The following MAGI1 variants were observed in gnomAD, a reference collection of about 807,000 sequenced individuals.
MAGI1 encodes membrane associated guanylate kinase, WW and PDZ domain containing 1.
In MAGI1, 58 loss-of-function variants were observed where a neutral mutation model predicts 139.9. The observed-to-expected ratio is 0.41, with a 90% CI of 0.34 to 0.52. MAGI1 has a LOEUF of 0.52. Ranked by LOEUF, MAGI1 falls within the 20% of genes least tolerant of loss-of-function variation. The pLI, the probability that MAGI1 is intolerant of heterozygous loss-of-function variation, is 0.12. For missense variants in MAGI1, 1,874 were observed against 1,901.6 expected (o/e 0.99, Z 0.27); for synonymous variants, 812 against 737.9 (o/e 1.10, Z -1.63).
intron 1 of MAGI1, among the ~76,000 whole-genome samples, chr3:65,790,807 A>T (rs998797511): frequency 6.6e-6 from 1 of 152,148 alleles, no homozygotes; most frequent in African/African-American, 2.4e-5. Context: ...TGGCACGGTG[A>T]CTCATGCCTG....
intron 1 of MAGI1, among the ~76,000 whole-genome samples, chr3:65,662,656 A>C (rs1220962313): frequency 1.3e-5 from 2 of 152,228 alleles, no homozygotes; most frequent in African/African-American, 4.8e-5. Context: ...ACTGATTATT[A>C]TAGTCAAACA....
chr3:65,462,602 T>C (rs184806012), intron 5 of MAGI1, among the ~76,000 whole-genome samples: 7 of 152,302 alleles, frequency 4.6e-5, no homozygotes, highest in African/African-American at 1.7e-4. Flanking sequence ...GGCTACATGC[T>C]CTTTTTCTGG....
Position 65,514,262 on chromosome 3 carries a change from TCC to T in MAGI1, c.431-20633_431-20632del, listed in dbSNP as rs1446844071. Among the ~76,000 whole-genome samples, 7 of 145,992 alleles carry T rather than the reference TCC, an allele frequency of 4.8e-5. No individual in the cohort carries two copies. In the South Asian group the frequency reaches 1.1e-3, roughly 24 times the overall value. ...CATAGGCATGGGCAAGGACTTCATG[TCC>T]AAAACACCAAAAGCAATGGCAACAA... On this transcript the variant is annotated intron_variant, in intron 2 of 22. Coordinates refer to ENST00000402939, the MANE Select transcript of MAGI1 (RefSeq NM_001033057.2).
At chr3:65,688,914 C>T (rs968228894) in intron 1 of MAGI1, among the ~76,000 whole-genome samples, 1 of 152,148 alleles carries the variant, frequency 6.6e-6, no homozygotes, top group African/African-American at 2.4e-5. Flanking sequence ...AAACTATTGA[C>T]GCTGGCAGCT....
intron 2 of MAGI1, among the ~76,000 whole-genome samples, chr3:65,544,723 C>G (rs1024011433): frequency 2.6e-5 from 4 of 152,124 alleles, no homozygotes; most frequent in African/African-American, 9.7e-5. Context: ...TGATCCATCA[C>G]CAAGCCACGA....
At position 65,524,216 on chromosome 3, in the gene MAGI1, G is replaced by A. The variant is rs184390706; in HGVS notation, c.431-30585C>T. On this transcript the variant is annotated intron_variant, in intron 2 of 22. Transcript: ENST00000402939. ...TCAAATCACAAAGTTGGTGTACAATGGCAACAGGCAATACTACCCAGTGGA... is the reference window on the plus strand; with the variant it reads ...TCAAATCACAAAGTTGGTGTACAATAGCAACAGGCAATACTACCCAGTGGA... Among the ~76,000 whole-genome samples, 158 of 152,252 alleles carry A rather than the reference G, an allele frequency of 1.0e-3. 1 individual carries two copies. Among genetic ancestry groups the A allele is most frequent in the Admixed American group, 8.6e-3 (131 of 15,292 alleles).
chr3:65,435,857 GC>G (rs1425480143), intron 10 of MAGI1, among the ~76,000 whole-genome samples: 1 of 152,148 alleles, frequency 6.6e-6, no homozygotes, highest in Non-Finnish European at 1.5e-5. Context: ...AGAAGGAACA[GC>G]CTCTGCAAAG....
intron 2 of MAGI1, among the ~76,000 whole-genome samples, chr3:65,568,392 G>A (rs2372067): frequency 0.5 from 75,689 of 151,822 alleles, 19,488 homozygotes; most frequent in East Asian, 0.81. Context: ...TCCTTGTTAT[G>A]GTTGATCAGG....
intron 1 of MAGI1, among the ~76,000 whole-genome samples, chr3:65,956,278 T>C (rs2064122823): frequency 6.6e-6 from 1 of 152,208 alleles, no homozygotes. Context: ...ACTGATGCTC[T>C]TCATACCAAC....
intron 1 of MAGI1, among the ~76,000 whole-genome samples, chr3:65,713,241 A>T (rs552641321): frequency 2.1e-4 from 32 of 152,236 alleles, no homozygotes; most frequent in African/African-American, 7.2e-4. Flanking sequence ...TCTCCCTGCC[A>T]TACCAGCCTT....
intron 12 of MAGI1, among the ~76,000 whole-genome samples, chr3:65,423,078 T>G (rs1054192959): frequency 6.6e-6 from 1 of 152,016 alleles, no homozygotes; most frequent in Non-Finnish European, 1.5e-5. Flanking sequence ...CAAGTTTGAG[T>G]ACACTGAGAA....
chr3:65,818,264 T>C (rs1244741670), intron 1 of MAGI1, among the ~76,000 whole-genome samples: 1 of 152,220 alleles, frequency 6.6e-6, no homozygotes, highest in East Asian at 1.9e-4. Context: ...AGTTTCTATG[T>C]CTGTCTCAAT....
intron 9 of MAGI1, 94 bp downstream of exon 9, chr3:65,439,785 A>G: frequency 1.9e-6 from 3 of 1,583,886 alleles, no homozygotes; most frequent in Non-Finnish European, 2.6e-6. Flanking sequence ...GGACTCAATC[A>G]TCGAGGCCAG....
chr3:65,843,497 A>G (rs2058880765), intron 1 of MAGI1, among the ~76,000 whole-genome samples: 1 of 152,234 alleles, frequency 6.6e-6, no homozygotes, highest in Non-Finnish European at 1.5e-5. Flanking sequence ...AAACTTGTGG[A>G]GTAAAGTAAA....
At chr3:65,931,818 A>G (rs2062819862) in intron 1 of MAGI1, among the ~76,000 whole-genome samples, 1 of 152,228 alleles carries the variant, frequency 6.6e-6, no homozygotes, top group Non-Finnish European at 1.5e-5. Flanking sequence ...AATGAAACAG[A>G]TCATTGGAAA....
At chr3:65,696,593 T>A (rs77665946) in intron 1 of MAGI1, among the ~76,000 whole-genome samples, 24,284 of 152,098 alleles carry the variant, frequency 0.16, 2,598 homozygotes, top group Non-Finnish European at 0.24. Flanking sequence ...TAACTGCCCA[T>A]GAAAATACAT....
At chr3:65,559,420 A>G (rs1480410033) in intron 2 of MAGI1, among the ~76,000 whole-genome samples, 1 of 152,242 alleles carries the variant, frequency 6.6e-6, no homozygotes, top group Admixed American at 6.5e-5. Context: ...GAATGAGTCC[A>G]TAATATTTTC....
Position 65,375,758 on chromosome 3 carries a change from G to A in MAGI1, c.3183C>T (p.Ile1061=). ...KEAGNTVTLR[I]IPGDESSNAT... ...GGTATACTTTACCATCCCCAGGAAT[G>A]ATGCGGAGGGTAACTGTGTTTCCCG... The change falls in exon 18 of 23, where the codon ATC becomes ATT. Residue 1061 remains isoleucine, a synonymous_variant. Transcript: ENST00000402939. The A allele has an allele frequency of 6.2e-7, 1 of 1,612,254 alleles. No homozygotes were observed. Among genetic ancestry groups the A allele is most frequent in the Non-Finnish European group, 8.5e-7 (1 of 1,178,328 alleles).
chr3:65,697,936 T>A (rs1285845311), intron 1 of MAGI1, among the ~76,000 whole-genome samples: 1 of 75,570 alleles, frequency 1.3e-5, no homozygotes, highest in Non-Finnish European at 2.5e-5. Flanking sequence ...AGTCAAATTG[T>A]CCCTGTTTGC....
Sources: gnomAD v4.1 joint callset for allele counts (sites outside exome capture counted in the v4.1 genomes callset) on GRCh38, gnomAD v4.1.1 for gene constraint, MANE v1.5 for transcripts, NCBI Gene and HGNC (gene_info 2026-07-23, HGNC 2026-07-21) for gene names.